Variants in CELF6 observed in about 807,000 individuals in gnomAD.
CELF6 encodes the protein CUGBP Elav-like family member 6.
Under a neutral mutation model 53.1 loss-of-function variants are expected in CELF6, and 32 were observed. That is an observed-to-expected ratio of 0.60 (90% CI 0.46 to 0.81). CELF6 has a LOEUF of 0.81. Ranked by LOEUF, CELF6 falls within the 30% of genes least tolerant of loss-of-function variation. The pLI, the probability that CELF6 is intolerant of heterozygous loss-of-function variation, is 0.00. For synonymous variants in CELF6, 291 were observed against 288.8 expected (o/e 1.01, Z -0.08); for missense variants, 539 against 669.5 (o/e 0.81, Z 2.15).
chr15:72,319,771 C>A lies in CELF6; in HGVS notation c.104G>T (p.Gly35Val), dbSNP rs763378324. The A allele has an allele frequency of 6.3e-7, 1 of 1,582,124 alleles. No homozygotes were observed. The highest frequency in any genetic ancestry group is 8.6e-7 in the Non-Finnish European group (1 of 1,163,348). Residue 35 changes from glycine to valine, a missense_variant, in exon 1 of 13, where the codon GGT (glycine) becomes GTT (valine). Coordinates refer to ENST00000287202, the MANE Select transcript of CELF6 (RefSeq NM_052840.5). This position sits in a 1 kb window ranked among gnomAD's most constrained non-coding sequence, Gnocchi z 5.0. ...GTGGTCCTTCATGGGTACGGCGGGA[C>A]CGGGGTTTAGCCCGCTCATGCCGAC... ...SGVGMSGLNP[G>V]PAVPMKDHDA...
rs771826892 is a variant in CELF6, at chr15:72,290,111, G to A, written c.523+16C>T. Reference sequence around the variant, plus strand: ...AGGAAGGGTCACCAGGAAATCCCGGGGTCAGCTCAGGTCACCTTTACTGGT... The same window carrying A: ...AGGAAGGGTCACCAGGAAATCCCGGAGTCAGCTCAGGTCACCTTTACTGGT... On this transcript the variant is annotated intron_variant, in intron 4 of 12. Transcript: ENST00000287202. 6.2e-7 allele frequency: 1 copy of A among 1,613,450 alleles called. No homozygotes were observed. The highest frequency in any genetic ancestry group is 8.5e-7 in the Non-Finnish European group (1 of 1,179,616).
chr15:72,305,796 C>A (rs1230404052), intron 2 of CELF6, among the ~76,000 whole-genome samples: 3 of 152,130 alleles, frequency 2.0e-5, no homozygotes, highest in Non-Finnish European at 4.4e-5. Context: ...TGCTGGACAT[C>A]CCCACTAGAA....
chr15:72,301,029 G>A (rs1044556220), intron 3 of CELF6, among the ~76,000 whole-genome samples: 14 of 151,828 alleles, frequency 9.2e-5, no homozygotes, highest in Non-Finnish European at 1.9e-4. Context: ...ATTCACCTAG[G>A]CTGGAGTGCA....
intron 3 of CELF6, among the ~76,000 whole-genome samples, chr15:72,301,289 C>T (rs1297792252): frequency 6.6e-6 from 1 of 152,128 alleles, no homozygotes; most frequent in Non-Finnish European, 1.5e-5. Context: ...CCCACATGCC[C>T]AGCTGTAAAT....
rs1280572728 is a variant in CELF6 at position 72,289,966 on chromosome 15, C to G, written c.576G>C (p.Arg192=). The change falls in exon 5 of 13, where the codon CGG becomes CGC. Residue 192 remains arginine, a synonymous_variant. Transcript: ENST00000287202. The surrounding 1 kb of genome is among the most constrained non-coding windows in gnomAD (Gnocchi z 7.6). ...GSQGEAQAAI[R]GLHGSRTMAG... ...CCATGGTCCGGCTGCCGTGCAGACC[C>G]CGGATGGCCGCCTGAGCTTCCCCTT... is the stretch of plus-strand genomic sequence containing the variant. The G allele has an allele frequency of 3.8e-6, 6 of 1,581,250 alleles. No individual in the cohort carries two copies. The highest frequency in any genetic ancestry group is 2.6e-6 in the Non-Finnish European group (3 of 1,164,304).
chr15:72,299,396 G>A (rs1027848874), intron 3 of CELF6, among the ~76,000 whole-genome samples: 2 of 139,962 alleles, frequency 1.4e-5, no homozygotes, highest in African/African-American at 5.4e-5. Context: ...ATCTCGCTCT[G>A]TTGTTCAGGC....
Position 72,289,800 on chromosome 15 carries a change from C to T in CELF6, c.604-30G>A, listed in dbSNP as rs758633746. 23 of 1,448,434 alleles carry T rather than the reference C, an allele frequency of 1.6e-5. No homozygotes were observed. Among genetic ancestry groups the T allele is most frequent in the African/African-American group, 1.6e-4 (11 of 70,098 alleles). 89.7% of individuals were successfully genotyped at this position (1,448,434 alleles called of 1,614,324 possible). ...GCAGGGCAGGGGAGGCCGTGGTGAC[C>T]GGTCCTGACCCTGGCCCCGGCCCGG... On this transcript the variant is annotated intron_variant, in intron 5 of 12. Transcript: ENST00000287202. The surrounding 1 kb of genome is among the most constrained non-coding windows in gnomAD (Gnocchi z 7.6).
Position 72,319,536 on chromosome 15 carries a change from A to AGGGCTG in CELF6, c.262+71_262+76dup, listed in dbSNP as rs1404821773. 4.3e-6 allele frequency: 6 copies of AGGGCTG among 1,383,052 alleles called. No individual in the cohort carries two copies. In the East Asian group the frequency reaches 1.1e-4, roughly 25 times the overall value. 85.7% of individuals were successfully genotyped at this position (1,383,052 alleles called of 1,614,324 possible). On this transcript the variant is annotated intron_variant, in intron 1 of 12. Transcript: ENST00000287202. The surrounding 1 kb of genome is among the most constrained non-coding windows in gnomAD (Gnocchi z 5.0). ...TGTTGGACTGGCTCTCGGCAGGGCT[A>AGGGCTG]GGGCTGGGGCTGGGCTGGGGTCGGG...
In CELF6 at chr15:72,288,740, G is replaced by A. The variant is rs1464164880; in HGVS notation, c.1094-122C>T. On this transcript the variant is annotated intron_variant, in intron 9 of 12. Coordinates refer to ENST00000287202, the MANE Select transcript of CELF6 (RefSeq NM_052840.5). This position sits in a 1 kb window ranked among gnomAD's most constrained non-coding sequence, Gnocchi z 4.6. ...CACCATAACCCTCACCCCAAGAGAG[G>A]TCGTTCTGGGGGTAGGAGGGGATGG... The A allele has an allele frequency of 1.5e-6, 2 of 1,350,360 alleles. No individual in the cohort carries two copies. The highest frequency in any genetic ancestry group is 3.9e-5 in the Admixed American group (2 of 50,740). 83.6% of individuals were successfully genotyped at this position (1,350,360 alleles called of 1,614,324 possible).
In CELF6 at chr15:72,319,471, G is replaced by C; in HGVS notation, c.262+142C>G. 1.1e-6 allele frequency: 1 copy of C among 886,058 alleles called. No individual in the cohort carries two copies. Among genetic ancestry groups the C allele is most frequent in the Admixed American group, 3.0e-5 (1 of 33,666 alleles). 54.9% of individuals were successfully genotyped at this position (886,058 alleles called of 1,614,324 possible). A position where few individuals can be genotyped will look rare whatever the true frequency, so the allele number is the denominator to read the frequency against. On this transcript the variant is annotated intron_variant, in intron 1 of 12. Coordinates refer to ENST00000287202, the MANE Select transcript of CELF6 (RefSeq NM_052840.5). The surrounding 1 kb of genome is among the most constrained non-coding windows in gnomAD (Gnocchi z 5.0). ...GTCAGAGAGAAAATTCTGTGATCTG[G>C]GAAGGGGGCTGGGCTGAGGTGGGGC...
chr15:72,292,474 A>G (rs995509943), intron 3 of CELF6, among the ~76,000 whole-genome samples: 3 of 152,310 alleles, frequency 2.0e-5, no homozygotes, highest in African/African-American at 7.2e-5. Context: ...ACAATGCCCT[A>G]ATTTGTAGTG....
chr15:72,288,397 G>C lies in CELF6; in HGVS notation c.1229C>G (p.Ala410Gly). 1 of 1,614,038 alleles carries C rather than the reference G, an allele frequency of 6.2e-7. No individual in the cohort carries two copies. The highest frequency in any genetic ancestry group is 8.5e-7 in the Non-Finnish European group (1 of 1,179,924). ...IYHLPQEFGDAELIQTFLPFG... is the reference protein window; with the variant it reads ...IYHLPQEFGDGELIQTFLPFG... Reference sequence around the variant, plus strand: ...GGGCAGGAATGTCTGTATGAGTTCCGCATCACCAAACTCCTGAGGCAGGTG... The same window carrying C: ...GGGCAGGAATGTCTGTATGAGTTCCCCATCACCAAACTCCTGAGGCAGGTG... The change falls in exon 11 of 13, where the codon GCG (alanine) becomes GGG (glycine). Residue 410 changes from alanine to glycine, a missense_variant. Physicochemically the swap from Ala to Gly is moderately conservative, Grantham distance 60. Transcript: ENST00000287202. The surrounding 1 kb of genome is among the most constrained non-coding windows in gnomAD (Gnocchi z 4.6).
chr15:72,306,594 C>A (rs1013462097), intron 2 of CELF6, among the ~76,000 whole-genome samples: 28 of 150,282 alleles, frequency 1.9e-4, no homozygotes, highest in African/African-American at 6.4e-4. Context: ...CAGGCCAAGT[C>A]TGAACCAGCG....
At chr15:72,299,142 A>C (rs1178523976) in intron 3 of CELF6, among the ~76,000 whole-genome samples, 1 of 142,314 alleles carries the variant, frequency 7.0e-6, no homozygotes, top group Non-Finnish European at 1.5e-5. Context: ...CAGGAAGTGG[A>C]GTTGTACCTT....
intron 3 of CELF6, among the ~76,000 whole-genome samples, chr15:72,290,620 C>T (rs1324845284): frequency 6.6e-6 from 1 of 152,144 alleles, no homozygotes; most frequent in Non-Finnish European, 1.5e-5. Flanking sequence ...TGTTTTGGAC[C>T]ATTTCTGTAC....
intron 2 of CELF6, among the ~76,000 whole-genome samples, chr15:72,314,517 G>T (rs1026488266): frequency 2.6e-5 from 4 of 151,084 alleles, no homozygotes; most frequent in African/African-American, 9.8e-5. Flanking sequence ...CAAGTAACGT[G>T]CCCAGAGACA....
chr15:72,307,981 C>T (rs1182181114), intron 2 of CELF6, among the ~76,000 whole-genome samples: 2 of 152,044 alleles, frequency 1.3e-5, no homozygotes, highest in Admixed American at 1.3e-4. Context: ...CAGGGAGCTG[C>T]AAGCCTGAAG....
rs1398474893 is a variant in CELF6, at chr15:72,288,422, G to A, written c.1204C>T (p.His402Tyr). The change falls in exon 11 of 13, where the codon CAC (histidine) becomes TAC (tyrosine). Residue 402 changes from histidine (H) to tyrosine (Y), a missense_variant. This residue lies in a region of CELF6 where 358 missense variants were observed against 412.8 expected (regional missense o/e 0.87). Coordinates refer to ENST00000287202, the MANE Select transcript of CELF6 (RefSeq NM_052840.5). The surrounding 1 kb of genome is among the most constrained non-coding windows in gnomAD (Gnocchi z 4.6). ...GCATCACCAAACTCCTGAGGCAGGT[G>A]ATAGATGAAGAGGTTACAGCCTTCG... is the stretch of plus-strand genomic sequence containing the variant. Reference protein sequence around the residue: ...GPEGCNLFIYHLPQEFGDAEL... With the variant: ...GPEGCNLFIYYLPQEFGDAEL... 1 of 1,614,212 alleles carries A rather than the reference G, an allele frequency of 6.2e-7. No individual in the cohort carries two copies. The highest frequency in any genetic ancestry group is 8.5e-7 in the Non-Finnish European group (1 of 1,180,028).
chr15:72,319,466 A>T lies in CELF6; in HGVS notation c.262+147T>A. ...AGGATGTCAGAGAGAAAATTCTGTGATCTGGGAAGGGGGCTGGGCTGAGGT... is the reference window on the plus strand; with the variant it reads ...AGGATGTCAGAGAGAAAATTCTGTGTTCTGGGAAGGGGGCTGGGCTGAGGT... On this transcript the variant is annotated intron_variant, in intron 1 of 12. Transcript: ENST00000287202. The surrounding 1 kb of genome is among the most constrained non-coding windows in gnomAD (Gnocchi z 5.0). 1.2e-6 allele frequency: 1 copy of T among 852,906 alleles called. No individual in the cohort carries two copies. Among genetic ancestry groups the T allele is most frequent in the Non-Finnish European group, 1.7e-6 (1 of 576,266 alleles). The allele number at this position is 852,906 out of a possible 1,614,324, so 52.8% of individuals were successfully genotyped here.
Sources: gnomAD v4.1 joint callset for allele counts (sites outside exome capture counted in the v4.1 genomes callset) on GRCh38, gnomAD v4.1.1 for gene constraint, gnomAD v4.1.1 regional missense constraint, Gnocchi (gnomAD v3.1) non-coding constraint, MANE v1.5 for transcripts, NCBI Gene and HGNC (gene_info 2026-07-23, HGNC 2026-07-21) for gene names.